SCAPER: variants seen among roughly 807,000 people sequenced by gnomAD.
SCAPER encodes S-phase cyclin A associated protein in the ER.
Under a neutral mutation model 182.2 loss-of-function variants are expected in SCAPER, and 98 were observed. The observed-to-expected ratio is 0.54, with a 90% CI of 0.46 to 0.64. The LOEUF is 0.64. SCAPER is among the 30% of genes least tolerant of loss of function. SCAPER has a pLI of 0.00. For synonymous variants in SCAPER, 605 were observed against 564.6 expected, an observed-to-expected ratio of 1.07 and a Z score of -1.01; for missense variants, 1,432 against 1,690.0, an observed-to-expected ratio of 0.85 and a Z score of 2.68.
chr15:76,428,866 C>CTATATATATATATATATA (rs375991391), intron 26 of SCAPER, among the ~76,000 whole-genome samples: 909 of 79,670 alleles, frequency 0.011, 46 homozygotes, highest in East Asian at 0.02. Flanking sequence ...GATCATTATA[C>CTATATATATATATATATA]TATATATATA....
chr15:76,533,634 T>C (rs1251646422), intron 23 of SCAPER, among the ~76,000 whole-genome samples: 2 of 139,780 alleles, frequency 1.4e-5, no homozygotes, highest in Non-Finnish European at 3.1e-5. Context: ...TGTACATATG[T>C]ATGATCTATG....
chr15:76,449,606 T>G (rs936369297), intron 25 of SCAPER, among the ~76,000 whole-genome samples: 3 of 152,234 alleles, frequency 2.0e-5, no homozygotes, highest in Admixed American at 2.0e-4. Flanking sequence ...TATTCTATAA[T>G]TCTATGACAA....
At chr15:76,505,124 G>T (rs1567296033) in intron 23 of SCAPER, 150 bp from the exon 24 acceptor site, 2 of 648,626 alleles carry the variant, frequency 3.1e-6, no homozygotes, top group East Asian at 2.9e-5. Context: ...ACTGCTAATT[G>T]TTTCAGTACT....
At chr15:76,387,739 A>G (rs1474272412) in intron 27 of SCAPER, among the ~76,000 whole-genome samples, 6 of 152,242 alleles carry the variant, frequency 3.9e-5, no homozygotes, top group African/African-American at 1.4e-4. Flanking sequence ...TCAATAACAA[A>G]GTTTACCTAC....
chr15:76,389,500 CAAAAAAAAAAAAAAAAAAAAAA>C (rs71143320), intron 27 of SCAPER, among the ~76,000 whole-genome samples: 1 of 28,058 alleles, frequency 3.6e-5, no homozygotes, highest in African/African-American at 1.7e-4. Flanking sequence ...GACTCCGTCT[CAAAAAAAAAAAAAAAAAAAAAA>C]AAAAAAAAAG....
At chr15:76,408,803 T>C (rs2045057091) in intron 26 of SCAPER, among the ~76,000 whole-genome samples, 1 of 152,012 alleles carries the variant, frequency 6.6e-6, no homozygotes, top group Non-Finnish European at 1.5e-5. Context: ...TGGCATTTTT[T>C]GGGTCCTTAC....
chr15:76,703,042 T>C, intron 18 of SCAPER, 40 bp from the exon 19 acceptor site: 1 of 1,515,488 alleles, frequency 6.6e-7, no homozygotes, highest in Non-Finnish European at 8.8e-7. Context: ...CAAAAATTAT[T>C]CAAATTATGG....
chr15:76,364,792 T>G (rs1287783928), intron 29 of SCAPER, among the ~76,000 whole-genome samples: 1 of 152,006 alleles, frequency 6.6e-6, no homozygotes, highest in African/African-American at 2.4e-5. Flanking sequence ...CGTGTCATTC[T>G]CCTGCTTGTA....
At chr15:76,854,009 T>C (rs1335303793) in intron 4 of SCAPER, among the ~76,000 whole-genome samples, 1 of 152,110 alleles carries the variant, frequency 6.6e-6, no homozygotes, top group African/African-American at 2.4e-5. Context: ...CTAGCATTCT[T>C]CCTGTAATCC....
intron 1 of SCAPER, among the ~76,000 whole-genome samples, chr15:76,894,062 C>A (rs926736122): frequency 6.6e-6 from 1 of 152,084 alleles, no homozygotes; most frequent in African/African-American, 2.4e-5. Context: ...ACCAGCCTGG[C>A]CAACATGGTG....
chr15:76,844,626 A>G (rs551885704), intron 4 of SCAPER, among the ~76,000 whole-genome samples: 35 of 152,332 alleles, frequency 2.3e-4, no homozygotes, highest in African/African-American at 7.9e-4. Context: ...GAGAATGGAT[A>G]AATTCCAAGA....
At chr15:76,589,448 T>C (rs1219423408) in intron 22 of SCAPER, among the ~76,000 whole-genome samples, 1 of 152,110 alleles carries the variant, frequency 6.6e-6, no homozygotes, top group East Asian at 1.9e-4. Context: ...GTGTCATACA[T>C]GTTGTCAGGG....
chr15:76,693,722 C>G (rs1033767114), intron 20 of SCAPER, among the ~76,000 whole-genome samples: 7 of 152,014 alleles, frequency 4.6e-5, no homozygotes, highest in African/African-American at 1.7e-4. Flanking sequence ...GAGAACATTA[C>G]ACTAAGTGAA....
chr15:76,904,957 C>G (rs2074982951), intron 1 of SCAPER, among the ~76,000 whole-genome samples: 1 of 152,196 alleles, frequency 6.6e-6, no homozygotes, highest in Non-Finnish European at 1.5e-5. Flanking sequence ...TGAGGTGACG[C>G]GGCAGCCCCC....
chr15:76,624,397 T>C (rs1025420641), intron 21 of SCAPER, among the ~76,000 whole-genome samples: 24 of 152,182 alleles, frequency 1.6e-4, no homozygotes, highest in African/African-American at 5.3e-4. Flanking sequence ...AAATAAATCA[T>C]ATATGATACA....
At chr15:76,752,723 G>A (rs1046157852) in intron 15 of SCAPER, among the ~76,000 whole-genome samples, 7 of 151,670 alleles carry the variant, frequency 4.6e-5, no homozygotes, top group African/African-American at 1.7e-4. Context: ...GGGGCTGGGG[G>A]TGAGAATGAG....
chr15:76,776,622 T>C (rs1004837064), intron 8 of SCAPER, among the ~76,000 whole-genome samples: 9 of 152,076 alleles, frequency 5.9e-5, no homozygotes, highest in African/African-American at 2.2e-4. Flanking sequence ...TCCTTTTCCT[T>C]ATGTCAGCAG....
intron 26 of SCAPER, among the ~76,000 whole-genome samples, chr15:76,428,671 G>A (rs1392447248): frequency 6.6e-6 from 1 of 151,738 alleles, no homozygotes; most frequent in Non-Finnish European, 1.5e-5. Context: ...AGAGAGGTTG[G>A]TCAATGGGTA....
Position 76,356,558 on chromosome 15 carries a change from T to A in SCAPER, c.3856-2418A>T, listed in dbSNP as rs563692334. Among the ~76,000 whole-genome samples, 8 of 152,266 alleles carry A rather than the reference T, an allele frequency of 5.3e-5. No individual in the cohort carries two copies. In the East Asian group the frequency reaches 1.2e-3, roughly 22 times the overall value. On this transcript the variant is annotated intron_variant, in intron 29 of 31. Transcript: ENST00000563290. ...AAAATACGCATAATTAAGAGACATC[T>A]CAGATTTACACTATGGTGTTCTCTC...
Sources: gnomAD v4.1 joint callset for allele counts (sites outside exome capture counted in the v4.1 genomes callset) on GRCh38, gnomAD v4.1.1 for gene constraint, MANE v1.5 for transcripts, NCBI Gene and HGNC (gene_info 2026-07-23, HGNC 2026-07-21) for gene names.